The following MAD1L1 variants were observed in gnomAD, a reference collection of about 807,000 sequenced individuals.
The protein encoded by MAD1L1 is mitotic spindle assembly checkpoint protein MAD1.
Under a neutral mutation model 96.9 loss-of-function variants are expected in MAD1L1, and 95 were observed. The observed-to-expected ratio is 0.98, with a 90% confidence interval of 0.83 to 1.16. The LOEUF (loss-of-function observed/expected upper bound fraction) is 1.16. MAD1L1 is among the 50% of genes most tolerant of loss of function. The pLI, the probability that MAD1L1 is intolerant of heterozygous loss-of-function variation, is 0.00. For missense variants in MAD1L1, 1,007 were observed against 954.4 expected (o/e 1.06, Z -0.73); for synonymous variants, 473 against 396.6 (o/e 1.19, Z -2.29).
chr7:2,015,887 T>G (rs1782518544), intron 12 of MAD1L1, among the ~76,000 whole-genome samples: 1 of 152,184 alleles, frequency 6.6e-6, no homozygotes, highest in Non-Finnish European at 1.5e-5. Context: ...ATCTAACTGA[T>G]GCTCTCAGCA....
intron 11 of MAD1L1, among the ~76,000 whole-genome samples, chr7:2,101,267 CGCGAG>C: frequency 6.6e-6 from 1 of 152,202 alleles, no homozygotes; most frequent in Middle Eastern, 3.2e-3. Context: ...CTGTGCCTGG[CGCGAG>C]ACTGGGGCTC....
chr7:1,840,734 A>C (rs917513168), intron 18 of MAD1L1, among the ~76,000 whole-genome samples: 8 of 152,222 alleles, frequency 5.3e-5, no homozygotes, highest in African/African-American at 1.7e-4. Flanking sequence ...ATCTGACAAC[A>C]AAACAAAACA....
chr7:2,163,679 C>A (rs932936884), intron 10 of MAD1L1, among the ~76,000 whole-genome samples: 1 of 152,096 alleles, frequency 6.6e-6, no homozygotes, highest in Admixed American at 6.6e-5. Context: ...CACTTTTCTA[C>A]GTATAATGCA....
Position 1,816,165 on chromosome 7 carries a change from C to G in MAD1L1, c.2062G>C (p.Glu688Gln). 1.9e-6 allele frequency: 3 copies of G among 1,613,414 alleles called. No individual in the cohort carries two copies. Among genetic ancestry groups the G allele is most frequent in the Non-Finnish European group, 2.5e-6 (3 of 1,179,902 alleles). ...LETEFSHTVG[E>Q]LIEVHLRRQD... ...CGCCGCAGGTGCACCTCGATGAGCTCGCCCACGGTGTGTGAGAACTCTGTC... is the reference window on the plus strand; with the variant it reads ...CGCCGCAGGTGCACCTCGATGAGCTGGCCCACGGTGTGTGAGAACTCTGTC... The change falls in exon 19 of 19, where the codon GAG becomes CAG. Residue 688 changes from glutamate (E) to glutamine (Q), a missense_variant. By Grantham distance (29) the Glu-to-Gln change is conservative. Coordinates refer to ENST00000265854, the MANE Select transcript of MAD1L1 (RefSeq NM_001013836.2).
chr7:1,990,147 G>A (rs548776887), intron 14 of MAD1L1, among the ~76,000 whole-genome samples: 21 of 152,346 alleles, frequency 1.4e-4, no homozygotes, highest in Admixed American at 9.1e-4. Flanking sequence ...ACGTGGCATC[G>A]CTGAGTCTCA....
chr7:1,908,806 C>T (rs868409566), intron 17 of MAD1L1, among the ~76,000 whole-genome samples: 2 of 152,142 alleles, frequency 1.3e-5, no homozygotes, highest in Non-Finnish European at 2.9e-5. Context: ...CTGTTCTCAA[C>T]ATTATGAAAC....
chr7:2,121,692 CT>C (rs1787988471), intron 11 of MAD1L1, among the ~76,000 whole-genome samples: 1 of 148,186 alleles, frequency 6.7e-6, no homozygotes, highest in Non-Finnish European at 1.5e-5. Context: ...GCACTAGAGC[CT>C]GGGGGCCAGG....
In MAD1L1 at chr7:1,882,629, T is replaced by C. The variant is rs1785755318; in HGVS notation, c.1998+15571A>G. On this transcript the variant is annotated intron_variant, in intron 18 of 18. Transcript: ENST00000265854. ...CTCACCTCCTTTCCTCAGCCAGGCC[T>C]GGAGCGTGAGCACCTCTGAGGATGC... Among the ~76,000 whole-genome samples, 2 of 152,184 alleles carry C rather than the reference T, an allele frequency of 1.3e-5. 1 individual carries two copies. Among genetic ancestry groups the C allele is most frequent in the South Asian group, 4.1e-4 (2 of 4,838 alleles).
At chr7:2,002,152 C>T (rs1562597258) in intron 13 of MAD1L1, 31 bp from the exon 14 acceptor site, 2 of 1,608,350 alleles carry the variant, frequency 1.2e-6, no homozygotes, top group Non-Finnish European at 1.7e-6. Flanking sequence ...CGGCCTGAGA[C>T]TGTGGTGGGC....
At chr7:1,830,007 G>A (rs1782628051) in intron 18 of MAD1L1, among the ~76,000 whole-genome samples, 1 of 152,152 alleles carries the variant, frequency 6.6e-6, no homozygotes, top group Admixed American at 6.5e-5. Flanking sequence ...CTTCAGGTGT[G>A]CAAGAGCTTA....
At chr7:2,181,390 G>A (rs1013444669) in intron 10 of MAD1L1, among the ~76,000 whole-genome samples, 22 of 152,158 alleles carry the variant, frequency 1.4e-4, no homozygotes, top group African/African-American at 4.6e-4. Flanking sequence ...GTTTCCACAC[G>A]TTAGCCATGA....
chr7:1,820,373 G>A (rs1164585278), intron 18 of MAD1L1, among the ~76,000 whole-genome samples: 16 of 152,252 alleles, frequency 1.1e-4, no homozygotes, highest in Non-Finnish European at 2.4e-4. Flanking sequence ...TTCAAGAAAC[G>A]AAGGGAAAAA....
At chr7:1,922,188 G>A (rs1257653852) in intron 17 of MAD1L1, among the ~76,000 whole-genome samples, 1 of 152,232 alleles carries the variant, frequency 6.6e-6, no homozygotes, top group Non-Finnish European at 1.5e-5. Context: ...CCAGCGGCGA[G>A]CGCCCTGCTT....
chr7:2,008,953 C>T (rs1011718635), intron 13 of MAD1L1, among the ~76,000 whole-genome samples: 5 of 152,156 alleles, frequency 3.3e-5, no homozygotes, highest in East Asian at 3.9e-4. Context: ...CTGAGGGGTG[C>T]GGAGGCTGTG....
At chr7:2,037,600 C>T (rs988887423) in intron 12 of MAD1L1, among the ~76,000 whole-genome samples, 1 of 152,174 alleles carries the variant, frequency 6.6e-6, no homozygotes, top group Non-Finnish European at 1.5e-5. Context: ...CACGTCCTGA[C>T]TGTACTTCCG....
intron 15 of MAD1L1, among the ~76,000 whole-genome samples, chr7:1,976,322 G>A (rs1180379060): frequency 6.6e-6 from 1 of 152,214 alleles, no homozygotes; most frequent in Admixed American, 6.5e-5. Flanking sequence ...TCCTTCCGAT[G>A]TTCGGACATG....
chr7:2,148,894 A>ACC (rs1445872466), intron 11 of MAD1L1, among the ~76,000 whole-genome samples: 1 of 152,136 alleles, frequency 6.6e-6, no homozygotes, highest in East Asian at 1.9e-4. Flanking sequence ...CAGGAGGCCA[A>ACC]CCCCCAGACC....
At chr7:2,065,413 G>A (rs985327016) in intron 12 of MAD1L1, among the ~76,000 whole-genome samples, 1 of 152,228 alleles carries the variant, frequency 6.6e-6, no homozygotes, top group East Asian at 1.9e-4. Context: ...TTTTGAGACC[G>A]TGGATCATCA....
At chr7:2,123,176 G>A (rs554235699) in intron 11 of MAD1L1, among the ~76,000 whole-genome samples, 1 of 152,104 alleles carries the variant, frequency 6.6e-6, no homozygotes, top group Admixed American at 6.5e-5. Flanking sequence ...GGTGGTGGGC[G>A]CCTGTAGTCT....
Sources: gnomAD v4.1 joint callset for allele counts (sites outside exome capture counted in the v4.1 genomes callset) on GRCh38, gnomAD v4.1.1 for gene constraint, MANE v1.5 for transcripts, NCBI Gene and HGNC (gene_info 2026-07-23, HGNC 2026-07-21) for gene names.